C3orf70: variants seen among roughly 807,000 people sequenced by gnomAD.
C3orf70 encodes the protein UPF0524 protein C3orf70.
In C3orf70, 15 loss-of-function variants were observed where a neutral mutation model predicts 20.7. The ratio of observed to expected loss-of-function variants is 0.72; its 90% CI spans 0.48 to 1.11. The LOEUF is 1.11. Among genes scored for constraint, C3orf70 ranks in the 50% most tolerant of loss-of-function variants. C3orf70 has a pLI of 0.00. For missense variants in C3orf70, 332 were observed against 317.6 expected (o/e 1.05, Z -0.34); for synonymous variants, 161 against 125.7 (o/e 1.28, Z -1.88).
Position 185,077,828 on chromosome 3 carries a change from T to G in C3orf70, c.*5179A>C, listed in dbSNP as rs947783873. ...CAAGTTTTATTTGCTATAAACCCAA[T>G]GTAGCCAGAGTTCTGGGAGTTATCA... is the stretch of plus-strand genomic sequence containing the variant. On this transcript the variant is annotated 3_prime_UTR_variant, in exon 2 of 2. Coordinates refer to ENST00000335012, the MANE Select transcript of C3orf70 (RefSeq NM_001025266.3). Among the ~76,000 whole-genome samples, 2 of 147,190 alleles carry G rather than the reference T, an allele frequency of 1.4e-5. No individual in the cohort carries two copies. The highest frequency in any genetic ancestry group is 4.3e-4 in the South Asian group (2 of 4,634).
At chr3:185,100,199 C>CTGAT (rs2108592190) in intron 1 of C3orf70, among the ~76,000 whole-genome samples, 1 of 152,248 alleles carries the variant, frequency 6.6e-6, no homozygotes, top group African/African-American at 2.4e-5. Flanking sequence ...TCAAATGGAC[C>CTGAT]TGATAGACAT....
At position 185,101,436 on chromosome 3, in the gene C3orf70, T is replaced by A. The variant is rs536169868; in HGVS notation, c.197-17873A>T. 2.2e-4 allele frequency among the ~76,000 whole-genome samples: 33 copies of A among 152,240 alleles called. 2 individuals carry two copies. The South Asian group carries it at 6.9e-3, about 32-fold the overall frequency. On this transcript the variant is annotated intron_variant, in intron 1 of 1. Coordinates refer to ENST00000335012, the MANE Select transcript of C3orf70 (RefSeq NM_001025266.3). ...ATAACTAAAGACAACCACACAATTA[T>A]CTCAATAGATGCACGCATTCATCCA...
At chr3:185,144,746 C>T (rs182578002) in intron 1 of C3orf70, among the ~76,000 whole-genome samples, 2 of 152,292 alleles carry the variant, frequency 1.3e-5, no homozygotes, top group East Asian at 1.9e-4. Context: ...GCTGGGATTA[C>T]AGGCATGAGC....
At chr3:185,133,229 C>G (rs1716557537) in intron 1 of C3orf70, among the ~76,000 whole-genome samples, 1 of 152,086 alleles carries the variant, frequency 6.6e-6, no homozygotes, top group African/African-American at 2.4e-5. Flanking sequence ...GGTGGGAGGG[C>G]AAATGGTACA....
chr3:185,108,968 C>T (rs923772104), intron 1 of C3orf70, among the ~76,000 whole-genome samples: 1 of 152,180 alleles, frequency 6.6e-6, no homozygotes, highest in African/African-American at 2.4e-5. Context: ...TTAAAACAGA[C>T]AATGCCCCAG....
At chr3:185,105,849 A>G (rs1294844711) in intron 1 of C3orf70, among the ~76,000 whole-genome samples, 1 of 152,164 alleles carries the variant, frequency 6.6e-6, no homozygotes, top group Non-Finnish European at 1.5e-5. Flanking sequence ...GGAGCTTGGA[A>G]GCGTCAGGGT....
In C3orf70 at chr3:185,121,358, TAA is replaced by T. The variant is rs59087246; in HGVS notation, c.196+31268_196+31269del. On this transcript the variant is annotated intron_variant, in intron 1 of 1. Coordinates refer to ENST00000335012, the MANE Select transcript of C3orf70 (RefSeq NM_001025266.3). ...CCTGTTCCCCAAAATCTATGGAAAT[TAA>T]AAAAAAAAAAAAAAGAAGCATGATT... is the stretch of plus-strand genomic sequence containing the variant. 3.7e-3 allele frequency among the ~76,000 whole-genome samples: 438 copies of T among 119,540 alleles called. 1 individual carries two copies. Among genetic ancestry groups the T allele is most frequent in the African/African-American group, 0.01 (361 of 34,522 alleles). The allele number at this position is 119,540 out of a possible 152,430, so 78.4% of individuals were successfully genotyped here.
intron 1 of C3orf70, among the ~76,000 whole-genome samples, chr3:185,137,185 C>T (rs1167829347): frequency 6.6e-6 from 1 of 152,138 alleles, no homozygotes; most frequent in African/African-American, 2.4e-5. Flanking sequence ...CCTGCACAAG[C>T]GCTCCTCTCG....
chr3:185,114,042 A>C (rs1245442354), intron 1 of C3orf70, among the ~76,000 whole-genome samples: 1 of 152,070 alleles, frequency 6.6e-6, no homozygotes, highest in Non-Finnish European at 1.5e-5. Flanking sequence ...TCTACTAAAA[A>C]CACAAAATTA....
intron 1 of C3orf70, among the ~76,000 whole-genome samples, chr3:185,140,049 T>C (rs1262119691): frequency 6.6e-6 from 1 of 152,148 alleles, no homozygotes; most frequent in Non-Finnish European, 1.5e-5. Flanking sequence ...TCCCTCAATA[T>C]ACACATTGGA....
In C3orf70 at chr3:185,115,497, C is replaced by T. The variant is rs115475599; in HGVS notation, c.197-31934G>A. 3.6e-3 allele frequency among the ~76,000 whole-genome samples: 544 copies of T among 152,246 alleles called. 3 individuals carry two copies. Among genetic ancestry groups the T allele is most frequent in the African/African-American group, 0.012 (489 of 41,542 alleles). On this transcript the variant is annotated intron_variant, in intron 1 of 1. Transcript: ENST00000335012. ...CTCAAGTGGCATAAAACTCTTGGCC[C>T]CTCTCTATGCCTTTCCTCCCTATGG...
At chr3:185,151,470 G>A (rs963520766) in intron 1 of C3orf70, among the ~76,000 whole-genome samples, 2 of 151,980 alleles carry the variant, frequency 1.3e-5, no homozygotes, top group Admixed American at 6.6e-5. Context: ...GAGCACAACA[G>A]GAATAATGAG....
chr3:185,148,588 T>G (rs895062183), intron 1 of C3orf70, among the ~76,000 whole-genome samples: 7 of 152,214 alleles, frequency 4.6e-5, no homozygotes, highest in African/African-American at 1.7e-4. Flanking sequence ...ATGATTTCTT[T>G]CCCATCCCTC....
chr3:185,149,940 C>CTAACCATTTAGAAAAGAAAATGG (rs1168871218), intron 1 of C3orf70, among the ~76,000 whole-genome samples: 2 of 152,116 alleles, frequency 1.3e-5, no homozygotes, highest in East Asian at 1.9e-4. Context: ...AAAACAGTTT[C>CTAACCATTTAGAAAAGAAAATGG]TAACCATTTA....
chr3:185,091,613 G>A (rs1326409047), intron 1 of C3orf70, among the ~76,000 whole-genome samples: 6 of 151,816 alleles, frequency 4.0e-5, no homozygotes, highest in Admixed American at 2.0e-4. Context: ...GCAGAGCCCA[G>A]GGGAGTTAGG....
chr3:185,123,675 C>T (rs1716353559), intron 1 of C3orf70, among the ~76,000 whole-genome samples: 1 of 151,878 alleles, frequency 6.6e-6, no homozygotes, highest in South Asian at 2.1e-4. Flanking sequence ...GGTTTGTCTG[C>T]TCATAATTGT....
intron 1 of C3orf70, among the ~76,000 whole-genome samples, chr3:185,116,261 A>G (rs1019356756): frequency 6.6e-6 from 1 of 152,234 alleles, no homozygotes; most frequent in Middle Eastern, 3.2e-3. Flanking sequence ...AGGGATCTCA[A>G]CACCACCTAC....
chr3:185,095,509 A>T (rs1715682126), intron 1 of C3orf70, among the ~76,000 whole-genome samples: 1 of 152,236 alleles, frequency 6.6e-6, no homozygotes, highest in Non-Finnish European at 1.5e-5. Context: ...TGATAAGGGG[A>T]TGAAAAGTTC....
At chr3:185,117,948 G>A (rs1315744128) in intron 1 of C3orf70, among the ~76,000 whole-genome samples, 1 of 152,124 alleles carries the variant, frequency 6.6e-6, no homozygotes, top group Non-Finnish European at 1.5e-5. Flanking sequence ...TACTTCCTCA[G>A]GGAATACTGC....
Sources: gnomAD v4.1 joint callset for allele counts (sites outside exome capture counted in the v4.1 genomes callset) on GRCh38, gnomAD v4.1.1 for gene constraint, MANE v1.5 for transcripts, NCBI Gene and HGNC (gene_info 2026-07-23, HGNC 2026-07-21) for gene names.